Variants in SEMA5A observed in about 807,000 individuals in gnomAD.
SEMA5A encodes the protein semaphorin-5A.
SEMA5A carries 55 observed loss-of-function variants against 135.5 expected under a neutral mutation model. The observed-to-expected ratio is 0.41, with a 90% CI of 0.33 to 0.51. The LOEUF is 0.51. Among genes scored for constraint, SEMA5A ranks in the 20% least tolerant of loss-of-function variants. The pLI is 0.37. For synonymous variants in SEMA5A, 580 were observed against 546.5 expected (o/e 1.06, Z -0.85); for missense variants, 1,290 against 1,419.9 (o/e 0.91, Z 1.47).
intron 3 of SEMA5A, among the ~76,000 whole-genome samples, chr5:9,338,933 C>A (rs1190050961): frequency 6.6e-6 from 1 of 152,070 alleles, no homozygotes; most frequent in Non-Finnish European, 1.5e-5. Context: ...ATAAACATGT[C>A]TTTTCTCTAC....
intron 3 of SEMA5A, among the ~76,000 whole-genome samples, chr5:9,338,902 T>C (rs957864535): frequency 6.6e-6 from 1 of 152,200 alleles, no homozygotes; most frequent in Non-Finnish European, 1.5e-5. Context: ...GGGACTATTT[T>C]TTCAGGAATG....
At chr5:9,538,520 A>G (rs1024351322) in intron 1 of SEMA5A, among the ~76,000 whole-genome samples, 1 of 152,206 alleles carries the variant, frequency 6.6e-6, no homozygotes. Flanking sequence ...CTGCAGCTCT[A>G]ATGAGACCAC....
At chr5:9,052,294 A>G (rs1366987808) in intron 19 of SEMA5A, among the ~76,000 whole-genome samples, 1 of 152,236 alleles carries the variant, frequency 6.6e-6, no homozygotes, top group Non-Finnish European at 1.5e-5. Context: ...AACGTTATAA[A>G]GTAATTGTAT....
intron 5 of SEMA5A, among the ~76,000 whole-genome samples, chr5:9,294,368 A>G (rs1403370175): frequency 6.6e-6 from 1 of 152,198 alleles, no homozygotes; most frequent in African/African-American, 2.4e-5. Context: ...AAGCTGTCCA[A>G]AAATGGGGCA....
chr5:9,066,675 T>C (rs554954719), intron 16 of SEMA5A, 29 bp from the exon 17 acceptor site: 48 of 1,603,940 alleles, frequency 3.0e-5, no homozygotes, highest in South Asian at 2.0e-4. Flanking sequence ...CGAGTGTTAC[T>C]ATACGGGGTA....
chr5:9,458,187 G>A (rs949753677), intron 1 of SEMA5A, among the ~76,000 whole-genome samples: 12 of 151,382 alleles, frequency 7.9e-5, no homozygotes, highest in East Asian at 2.0e-4. Flanking sequence ...GATTACAGGC[G>A]TGAGCCACCG....
chr5:9,035,809 C>A lies in SEMA5A; in HGVS notation c.*7088G>T, dbSNP rs1735623077. 6.6e-6 allele frequency: 1 copy of A among 152,016 alleles called. No individual in the cohort carries two copies. Among genetic ancestry groups the A allele is most frequent in the Non-Finnish European group, 1.5e-5 (1 of 68,014 alleles). The allele number at this position is 152,016 out of a possible 1,614,324, so 9.4% of individuals were successfully genotyped here. A position where few individuals can be genotyped will look rare whatever the true frequency, so the allele number is the denominator to read the frequency against. Reference sequence around the variant, plus strand: ...AGCATAGCAACCCAAGATCCATTTTCTCATTCAAACAAAGGGGAAATGTAA... The same window carrying A: ...AGCATAGCAACCCAAGATCCATTTTATCATTCAAACAAAGGGGAAATGTAA... On this transcript the variant is annotated 3_prime_UTR_variant, in exon 23 of 23. Transcript: ENST00000382496.
At chr5:9,228,459 C>A (rs1005998216) in intron 6 of SEMA5A, among the ~76,000 whole-genome samples, 1 of 152,182 alleles carries the variant, frequency 6.6e-6, no homozygotes, top group South Asian at 2.1e-4. Flanking sequence ...AGCCGAGGAG[C>A]CTGAAACAGG....
chr5:9,223,364 GT>G (rs1561041170), intron 8 of SEMA5A, among the ~76,000 whole-genome samples: 1 of 152,172 alleles, frequency 6.6e-6, no homozygotes, highest in Non-Finnish European at 1.5e-5. Context: ...CGTATCCATG[GT>G]TTTGCATATA....
chr5:9,389,137 C>T (rs1756034952), intron 2 of SEMA5A, among the ~76,000 whole-genome samples: 1 of 152,258 alleles, frequency 6.6e-6, no homozygotes, highest in South Asian at 2.1e-4. Context: ...ACTGACCTTT[C>T]CTTGAATATC....
At chr5:9,348,135 T>G (rs1461819433) in intron 3 of SEMA5A, among the ~76,000 whole-genome samples, 1 of 152,308 alleles carries the variant, frequency 6.6e-6, no homozygotes, top group Non-Finnish European at 1.5e-5. Context: ...GAGACACTAG[T>G]GAAAAGTTGT....
chr5:9,275,151 T>A (rs760879017), intron 5 of SEMA5A, among the ~76,000 whole-genome samples: 4 of 151,964 alleles, frequency 2.6e-5, no homozygotes, highest in Admixed American at 6.6e-5. Context: ...AAAGGGTATA[T>A]CACTACCGAT....
chr5:9,507,236 T>C (rs909625113), intron 1 of SEMA5A, among the ~76,000 whole-genome samples: 1 of 152,166 alleles, frequency 6.6e-6, no homozygotes, highest in Non-Finnish European at 1.5e-5. Context: ...TGTATCTCCA[T>C]TATCTTCAAG....
chr5:9,053,869 A>C (rs1194856558), intron 19 of SEMA5A: 1 of 459,480 alleles, frequency 2.2e-6, no homozygotes, highest in African/African-American at 2.0e-5. Flanking sequence ...GCTGGGCTAA[A>C]GGCTTTGAAC....
intron 16 of SEMA5A, among the ~76,000 whole-genome samples, chr5:9,067,400 C>G (rs1238251868): frequency 6.6e-6 from 1 of 152,136 alleles, no homozygotes; most frequent in Non-Finnish European, 1.5e-5. Context: ...CAGAGCCCAA[C>G]AGGAGGGATA....
intron 1 of SEMA5A, among the ~76,000 whole-genome samples, chr5:9,457,186 A>G (rs1758870431): frequency 6.6e-6 from 1 of 152,184 alleles, no homozygotes; most frequent in Non-Finnish European, 1.5e-5. Flanking sequence ...AGAACTTCCT[A>G]AGATACTTAA....
chr5:9,410,240 AAATATAAC>A (rs1757056393), intron 2 of SEMA5A, among the ~76,000 whole-genome samples: 1 of 152,234 alleles, frequency 6.6e-6, no homozygotes, highest in Non-Finnish European at 1.5e-5. Context: ...AGTAAAAATT[AAATATAAC>A]AATGCACTCC....
chr5:9,284,724 A>G (rs1750709761), intron 5 of SEMA5A, among the ~76,000 whole-genome samples: 1 of 152,246 alleles, frequency 6.6e-6, no homozygotes, highest in South Asian at 2.1e-4. Flanking sequence ...ATGTTTTTGT[A>G]TAAAATTAAG....
chr5:9,532,855 T>C (rs1478688776), intron 1 of SEMA5A, among the ~76,000 whole-genome samples: 1 of 152,162 alleles, frequency 6.6e-6, no homozygotes, highest in Non-Finnish European at 1.5e-5. Context: ...TCAGCTGTTC[T>C]CCTTTATGCT....
Sources: gnomAD v4.1 joint callset for allele counts (sites outside exome capture counted in the v4.1 genomes callset) on GRCh38, gnomAD v4.1.1 for gene constraint, MANE v1.5 for transcripts, NCBI Gene and HGNC (gene_info 2026-07-23, HGNC 2026-07-21) for gene names.